Variants in LHFPL3 observed in about 807,000 individuals in gnomAD.
LHFPL3 encodes the protein LHFPL tetraspan subfamily member 3 protein.
A neutral mutation model predicts 19.3 loss-of-function variants in LHFPL3; 5 were observed. The ratio of observed to expected loss-of-function variants is 0.26; its 90% CI spans 0.14 to 0.54. The LOEUF (loss-of-function observed/expected upper bound fraction) is 0.54, where lower values mean the gene tolerates loss of function less well. Among genes scored for constraint, LHFPL3 ranks in the 20% least tolerant of loss-of-function variants. LHFPL3 has a pLI of 0.94. For synonymous variants in LHFPL3, 133 were observed against 126.2 expected, an observed-to-expected ratio of 1.05 and a Z score of -0.36; for missense variants, 249 against 307.4, an observed-to-expected ratio of 0.81 and a Z score of 1.42.
intron 1 of LHFPL3, among the ~76,000 whole-genome samples, chr7:104,725,833 C>T (rs1413737715): frequency 1.3e-5 from 2 of 152,002 alleles, no homozygotes; most frequent in African/African-American, 2.4e-5. Context: ...TGGCGGATCA[C>T]GAGGTCAGGA....
rs1456365809 is a variant in LHFPL3, at chr7:104,795,986, ACCCCT to A, written c.682+59076_682+59080del. On this transcript the variant is annotated intron_variant, in intron 2 of 2. Coordinates refer to ENST00000424859, the MANE Select transcript of LHFPL3 (RefSeq NM_199000.3). ...CATTGAAATATGGATCTAAAAGCCC[ACCCCT>A]GCCCACCCCAGTGCCGGGGCTTCTG... Among the ~76,000 whole-genome samples the A allele has an allele frequency of 5.6e-4, 85 of 152,032 alleles. 1 individual carries two copies. Among genetic ancestry groups the A allele is most frequent in the East Asian group, 4.4e-3 (23 of 5,178 alleles).
At chr7:104,536,449 C>A (rs568566713) in intron 1 of LHFPL3, among the ~76,000 whole-genome samples, 1 of 152,230 alleles carries the variant, frequency 6.6e-6, no homozygotes, top group South Asian at 2.1e-4. Context: ...ATCCCCAGGC[C>A]GATTGGAACA....
chr7:104,586,622 C>G (rs940948246), intron 1 of LHFPL3, among the ~76,000 whole-genome samples: 16 of 151,980 alleles, frequency 1.1e-4, no homozygotes, highest in African/African-American at 3.9e-4. Flanking sequence ...AATAAATTGA[C>G]TTTATATATT....
intron 2 of LHFPL3, among the ~76,000 whole-genome samples, chr7:104,789,914 C>A (rs1018099941): frequency 6.6e-6 from 1 of 152,042 alleles, no homozygotes. Context: ...TTTTTTCTAG[C>A]GGTTTTTTCC....
At chr7:104,537,623 T>C (rs571989144) in intron 1 of LHFPL3, among the ~76,000 whole-genome samples, 14 of 152,258 alleles carry the variant, frequency 9.2e-5, no homozygotes, top group African/African-American at 3.4e-4. Flanking sequence ...CAATAAAGAG[T>C]AACACATGTA....
chr7:104,770,328 G>A (rs560105867), intron 2 of LHFPL3, among the ~76,000 whole-genome samples: 69 of 152,264 alleles, frequency 4.5e-4, no homozygotes, highest in African/African-American at 1.6e-3. Flanking sequence ...TTTGAGTTTG[G>A]AGTGCAGGGA....
chr7:104,776,623 T>A (rs962823549), intron 2 of LHFPL3, among the ~76,000 whole-genome samples: 1 of 152,210 alleles, frequency 6.6e-6, no homozygotes. Context: ...GTGAATCTGC[T>A]GGTCCCAAGA....
At chr7:104,332,293 G>C (rs971617602) in intron 1 of LHFPL3, among the ~76,000 whole-genome samples, 3 of 129,632 alleles carry the variant, frequency 2.3e-5, no homozygotes, top group Non-Finnish European at 3.2e-5. Context: ...GCAGTGGTGT[G>C]ATCTCGGCTC....
chr7:104,584,118 C>G (rs1225987059), intron 1 of LHFPL3, among the ~76,000 whole-genome samples: 92 of 152,148 alleles, frequency 6.0e-4, no homozygotes, highest in African/African-American at 2.2e-3. Flanking sequence ...CCATGGAATA[C>G]TATGCAGCCA....
At chr7:104,595,715 G>A (rs576271700) in intron 1 of LHFPL3, among the ~76,000 whole-genome samples, 8 of 152,218 alleles carry the variant, frequency 5.3e-5, no homozygotes, top group East Asian at 1.9e-4. Flanking sequence ...GGTGGGCTCC[G>A]CCCAGTTCGA....
At chr7:104,594,581 C>T (rs569584466) in intron 1 of LHFPL3, among the ~76,000 whole-genome samples, 1 of 152,224 alleles carries the variant, frequency 6.6e-6, no homozygotes, top group African/African-American at 2.4e-5. Flanking sequence ...TGATTGTTGG[C>T]CTGCCTTGCT....
At chr7:104,586,147 C>T (rs886147525) in intron 1 of LHFPL3, among the ~76,000 whole-genome samples, 1 of 151,968 alleles carries the variant, frequency 6.6e-6, no homozygotes, top group Non-Finnish European at 1.5e-5. Context: ...ATAAAATTCA[C>T]TTATGTTCAT....
intron 2 of LHFPL3, chr7:104,752,610 T>C: frequency 3.5e-6 from 1 of 289,506 alleles, no homozygotes; most frequent in Non-Finnish European, 6.3e-6. Flanking sequence ...CCCCCTCTTT[T>C]TAAAAGAATT....
Position 104,827,624 on chromosome 7 carries a change from G to T in LHFPL3, c.683-78563G>T, listed in dbSNP as rs545247239. Among the ~76,000 whole-genome samples the T allele has an allele frequency of 3.5e-4, 51 of 145,584 alleles. No individual in the cohort carries two copies. In the South Asian group the frequency reaches 4.3e-3, roughly 12 times the overall value. On this transcript the variant is annotated intron_variant, in intron 2 of 2. Transcript: ENST00000424859. Reference sequence around the variant, plus strand: ...TCTGTTTTGTTTTGTTTTTTTTTTTGATTGATAGTATCTTGTCTGCATAAG... The same window carrying T: ...TCTGTTTTGTTTTGTTTTTTTTTTTTATTGATAGTATCTTGTCTGCATAAG...
At chr7:104,877,225 A>G (rs1434203865) in intron 2 of LHFPL3, among the ~76,000 whole-genome samples, 1 of 152,192 alleles carries the variant, frequency 6.6e-6, no homozygotes, top group African/African-American at 2.4e-5. Context: ...ATGTATACAT[A>G]TGTAACAAAC....
chr7:104,619,879 A>C (rs1791412796), intron 1 of LHFPL3, among the ~76,000 whole-genome samples: 1 of 151,998 alleles, frequency 6.6e-6, no homozygotes, highest in Non-Finnish European at 1.5e-5. Context: ...AGGGGGCGGG[A>C]ATGGTTTCGG....
rs983242405 is a variant in LHFPL3, at chr7:104,501,060, T to G, written c.445+171836T>G. The stretch of plus-strand genomic sequence containing the variant: ...TATTTACCTCTTGCCTCTGCATCTT[T>G]ATCTTTAATATATCTCCAGGGTTTA... On this transcript the variant is annotated intron_variant, in intron 1 of 2. Transcript: ENST00000424859. 5.3e-5 allele frequency among the ~76,000 whole-genome samples: 8 copies of G among 152,268 alleles called. No homozygotes were observed. The East Asian group carries it at 1.5e-3, about 29-fold the overall frequency.
intron 2 of LHFPL3, among the ~76,000 whole-genome samples, chr7:104,761,298 A>AT (rs1794367894): frequency 6.6e-6 from 1 of 152,042 alleles, no homozygotes; most frequent in Non-Finnish European, 1.5e-5. Context: ...GTTTTTTTAC[A>AT]TTTTTACAAA....
chr7:104,696,725 A>G (rs1562967748), intron 1 of LHFPL3, among the ~76,000 whole-genome samples: 2 of 152,166 alleles, frequency 1.3e-5, no homozygotes. Context: ...GGCTCTGAGG[A>G]TTTCTTAGTA....
Sources: gnomAD v4.1 joint callset for allele counts (sites outside exome capture counted in the v4.1 genomes callset) on GRCh38, gnomAD v4.1.1 for gene constraint, MANE v1.5 for transcripts, NCBI Gene and HGNC (gene_info 2026-07-23, HGNC 2026-07-21) for gene names.